Variants in PTGIR observed in about 807,000 individuals in gnomAD.
PTGIR encodes the protein prostaglandin I2 receptor.
A neutral mutation model predicts 17.6 loss-of-function variants in PTGIR; 16 were observed. That is an observed-to-expected ratio of 0.91 (90% CI 0.61 to 1.38). The LOEUF is 1.38. Among genes scored for constraint, PTGIR ranks in the 40% most tolerant of loss-of-function variants. The probability of loss-of-function intolerance (pLI) is 0.00; values close to 1 mark genes in which losing one functional copy is unlikely to be tolerated. For missense variants in PTGIR, 532 were observed against 548.6 expected, an observed-to-expected ratio of 0.97 and a Z score of 0.30; for synonymous variants, 274 against 255.4, an observed-to-expected ratio of 1.07 and a Z score of -0.69.
chr19:46,624,012 A>T lies in PTGIR; in HGVS notation c.214T>A (p.Phe72Ile). 2 of 1,546,292 alleles carry T rather than the reference A, an allele frequency of 1.3e-6. No homozygotes were observed. Among genetic ancestry groups the T allele is most frequent in the Non-Finnish European group, 1.7e-6 (2 of 1,145,196 alleles). ...LGTSFLSPAV[F>I]VAYARNSSLL... ...GAGCTGTTGCGCGCATAGGCCACGAACACGGCCGGGCTCAGGAAGCTGGTG... is the reference window on the plus strand; with the variant it reads ...GAGCTGTTGCGCGCATAGGCCACGATCACGGCCGGGCTCAGGAAGCTGGTG... Residue 72 changes from phenylalanine to isoleucine, a missense_variant, in exon 2 of 3, where the codon TTC (phenylalanine) becomes ATC (isoleucine). Transcript: ENST00000291294.
intron 2 of PTGIR, 101 bp downstream of exon 2, chr19:46,623,357 C>G (rs12459883): frequency 0.4 from 542,144 of 1,348,156 alleles, 110,427 homozygotes; most frequent in South Asian, 0.49. Context: ...CACGATGTCT[C>G]ACCTCTTTTG....
downstream of PTGIR, among the ~76,000 whole-genome samples, chr19:46,619,571 GAGAGAGAGAGAGAAAGAAAGAAA>G (rs1972018698): frequency 8.4e-6 from 1 of 119,312 alleles, no homozygotes; most frequent in South Asian, 2.7e-4. Flanking sequence ...GAGAGAGAGA[GAGAGAGAGAGAGAAAGAAAGAAA>G]AGAAAGAAAG....
the PTGIR span, among the ~76,000 whole-genome samples, chr19:46,612,564 T>A: frequency 6.6e-6 from 1 of 152,282 alleles, no homozygotes; most frequent in Non-Finnish European, 1.5e-5. Context: ...AAGTAGGAAG[T>A]GACACAGCCG....
At chr19:46,618,097 C>A (rs1971989002), downstream of PTGIR, among the ~76,000 whole-genome samples, 1 of 149,338 alleles carries the variant, frequency 6.7e-6, no homozygotes, top group Non-Finnish European at 1.5e-5. Flanking sequence ...TCACTGCAAG[C>A]TCTGCCTCCC....
intron 2 of PTGIR, chr19:46,622,067 G>A: frequency 1.0e-6 from 1 of 985,474 alleles, no homozygotes; most frequent in Non-Finnish European, 1.2e-6. Flanking sequence ...CTGAGTCAGA[G>A]TAACCCCCAA....
At chr19:46,620,310 C>T (rs909817719), downstream of PTGIR, among the ~76,000 whole-genome samples, 3 of 152,230 alleles carry the variant, frequency 2.0e-5, no homozygotes, top group South Asian at 4.1e-4. Context: ...ATATATTGCC[C>T]GAGCTGGTCT....
rs900732966 is a variant in PTGIR at position 46,621,113 on chromosome 19, C to A, written c.*167G>T. On this transcript the variant is annotated 3_prime_UTR_variant, in exon 3 of 3. Transcript: ENST00000291294. The surrounding 1 kb of genome is among the most constrained non-coding windows in gnomAD (Gnocchi z 4.8). ...AAACGTTTCCTCTGTCCCTCACTCTCTTCCCAGAGCCAGCAGCGACTGCCC... is the reference window on the plus strand; with the variant it reads ...AAACGTTTCCTCTGTCCCTCACTCTATTCCCAGAGCCAGCAGCGACTGCCC... 3.0e-5 allele frequency: 40 copies of A among 1,317,598 alleles called. No individual in the cohort carries two copies. The highest frequency in any genetic ancestry group is 5.6e-4 in the Middle Eastern group (2 of 3,554). The allele number at this position is 1,317,598 out of a possible 1,614,324, so 81.6% of individuals were successfully genotyped here.
In PTGIR at chr19:46,623,977, G is replaced by A. The variant is rs1394467938; in HGVS notation, c.249C>T (p.Gly83=). The change falls in exon 2 of 3, where the codon GGC becomes GGT. Residue 83 remains glycine, a synonymous_variant. Transcript: ENST00000291294. ...VAYARNSSLL[G]LARGGPALCD... is the part of the protein sequence containing the mutation. Reference sequence around the variant, plus strand: ...ACAGGGCGGGGCCGCCTCGGGCCAGGCCCAGCAGGGAGCTGTTGCGCGCAT... The same window carrying A: ...ACAGGGCGGGGCCGCCTCGGGCCAGACCCAGCAGGGAGCTGTTGCGCGCAT... 2 of 1,569,344 alleles carry A rather than the reference G, an allele frequency of 1.3e-6. No individual in the cohort carries two copies. Among genetic ancestry groups the A allele is most frequent in the East Asian group, 2.4e-5 (1 of 42,160 alleles).
chr19:46,614,347 C>T, the PTGIR span: 1 of 981,320 alleles, frequency 1.0e-6, no homozygotes, highest in African/African-American at 1.7e-5. Flanking sequence ...CTGCAACTCC[C>T]AGGCCCAGCC....
Position 46,621,719 on chromosome 19 carries a change from C to A in PTGIR, c.769-47G>T. On this transcript the variant is annotated intron_variant, in intron 2 of 2. Transcript: ENST00000291294. This position sits in a 1 kb window ranked among gnomAD's most constrained non-coding sequence, Gnocchi z 4.8. ...CAAGGAGCACCCAGGAGTCCTCAGC[C>A]TCCCCACCCTGGCTCCCTCCTCCCA... 6.4e-7 allele frequency: 1 copy of A among 1,562,584 alleles called. No homozygotes were observed. Among genetic ancestry groups the A allele is most frequent in the South Asian group, 1.2e-5 (1 of 83,518 alleles).
downstream of PTGIR, among the ~76,000 whole-genome samples, chr19:46,617,195 G>A (rs146920661): frequency 1.4e-4 from 22 of 152,344 alleles, no homozygotes; most frequent in Admixed American, 1.0e-3. Context: ...AGCTGGCCAG[G>A]AGCCTCCAGG....
chr19:46,620,346 C>A, downstream of PTGIR: 1 of 832,874 alleles, frequency 1.2e-6, no homozygotes, highest in African/African-American at 1.9e-5. Flanking sequence ...AAGGGATCCT[C>A]CCACCTGAAC....
At position 46,621,140 on chromosome 19, in the gene PTGIR, G is replaced by T. The variant is rs201617405; in HGVS notation, c.*140C>A. 1.1e-4 allele frequency: 151 copies of T among 1,370,442 alleles called. No individual in the cohort carries two copies. The African/African-American group carries it at 1.9e-3, about 18-fold the overall frequency. 84.9% of individuals were successfully genotyped at this position (1,370,442 alleles called of 1,614,324 possible). On this transcript the variant is annotated 3_prime_UTR_variant, in exon 3 of 3. Coordinates refer to ENST00000291294, the MANE Select transcript of PTGIR (RefSeq NM_000960.4). The surrounding 1 kb of genome is among the most constrained non-coding windows in gnomAD (Gnocchi z 4.8). ...TCCCAGAGCCAGCAGCGACTGCCCTGCCGCAGGAGAAACAGCAGCTGATCG... is the reference window on the plus strand; with the variant it reads ...TCCCAGAGCCAGCAGCGACTGCCCTTCCGCAGGAGAAACAGCAGCTGATCG...
downstream of PTGIR, among the ~76,000 whole-genome samples, chr19:46,619,576 AGAGAGAG>A (rs1156873169): frequency 3.2e-3 from 413 of 127,598 alleles, 1 homozygote; most frequent in African/African-American, 4.9e-3. Context: ...AGAGAGAGAG[AGAGAGAG>A]AAAGAAAGAA....
intron 1 of PTGIR, 52 bp from the exon 2 acceptor site, chr19:46,624,289 A>G: frequency 4.3e-6 from 6 of 1,392,684 alleles, no homozygotes; most frequent in Non-Finnish European, 3.7e-6. Context: ...TACCCCCACC[A>G]CCCAGCCCAC....
chr19:46,613,511 T>C, the PTGIR span, among the ~76,000 whole-genome samples: 3 of 152,038 alleles, frequency 2.0e-5, no homozygotes. Flanking sequence ...TTTTGTATTT[T>C]AGTAGAGACG....
chr19:46,620,449 A>C (rs1226881167), downstream of PTGIR: 2 of 985,332 alleles, frequency 2.0e-6, no homozygotes, highest in Non-Finnish European at 2.4e-6. Flanking sequence ...TGAGGGCTCT[A>C]AGGACACATA....
At chr19:46,619,631 AAGAAAG>A (rs1972026282), downstream of PTGIR, among the ~76,000 whole-genome samples, 2 of 137,786 alleles carry the variant, frequency 1.5e-5, no homozygotes, top group Non-Finnish European at 3.1e-5. Flanking sequence ...GAAAGAAAGA[AAGAAAG>A]AAAGAAAGAA....
rs957446189 is a variant in PTGIR, at chr19:46,621,240, C to T, written c.*40G>A. The T allele has an allele frequency of 2.0e-6, 3 of 1,474,556 alleles. No homozygotes were observed. The highest frequency in any genetic ancestry group is 1.5e-5 in the South Asian group (1 of 64,548). 91.3% of individuals were successfully genotyped at this position (1,474,556 alleles called of 1,614,324 possible). A position where few individuals can be genotyped will look rare whatever the true frequency, so the allele number is the denominator to read the frequency against. ...GTCCCTGATTTTCTGGCTCCTGTCG[C>T]CCGAAGACAGGGCAGAGATCACAGG... On this transcript the variant is annotated 3_prime_UTR_variant, in exon 3 of 3. Transcript: ENST00000291294. This position sits in a 1 kb window ranked among gnomAD's most constrained non-coding sequence, Gnocchi z 4.8.
Sources: gnomAD v4.1 joint callset for allele counts (sites outside exome capture counted in the v4.1 genomes callset) on GRCh38, gnomAD v4.1.1 for gene constraint, Gnocchi (gnomAD v3.1) non-coding constraint, MANE v1.5 for transcripts, NCBI Gene and HGNC (gene_info 2026-07-23, HGNC 2026-07-21) for gene names.